RDX: variants seen among roughly 807,000 people sequenced by gnomAD.
RDX encodes radixin.
RDX carries 32 observed loss-of-function variants against 83.7 expected under a neutral mutation model. That is an observed-to-expected ratio of 0.38 (90% confidence interval 0.29 to 0.51). The LOEUF (loss-of-function observed/expected upper bound fraction) is 0.51, where lower values mean the gene tolerates loss of function less well. Among genes scored for constraint, RDX ranks in the 20% least tolerant of loss-of-function variants. The pLI is 0.87. For missense variants in RDX, 600 were observed against 689.9 expected (o/e 0.87, Z 1.46); for synonymous variants, 229 against 222.7 (o/e 1.03, Z -0.25).
At chr11:110,284,713 C>T (rs912254545) in intron 1 of RDX, among the ~76,000 whole-genome samples, 2 of 151,666 alleles carry the variant, frequency 1.3e-5, no homozygotes, top group Admixed American at 6.6e-5. Context: ...TTAGTAGAGA[C>T]GGGGTTTCAC....
intron 1 of RDX, among the ~76,000 whole-genome samples, chr11:110,291,728 A>G (rs1861252172): frequency 6.6e-6 from 1 of 152,198 alleles, no homozygotes; most frequent in Admixed American, 6.5e-5. Flanking sequence ...GGGCTGTCTT[A>G]GTATGAAGTT....
At chr11:110,261,863 TTG>T (rs1039227664) in intron 5 of RDX, among the ~76,000 whole-genome samples, 1 of 152,196 alleles carries the variant, frequency 6.6e-6, no homozygotes, top group Non-Finnish European at 1.5e-5. Flanking sequence ...TAAACTGTGC[TTG>T]TGTGTTATTG....
At position 110,237,589 on chromosome 11, in the gene RDX, T is replaced by G. The variant is rs146713867; in HGVS notation, c.1154A>C (p.Glu385Ala). The G allele has an allele frequency of 7.6e-5, 122 of 1,614,222 alleles. No homozygotes were observed. Among genetic ancestry groups the G allele is most frequent in the South Asian group, 3.7e-4 (34 of 91,086 alleles). Residue 385 changes from glutamate (E) to alanine (A), a missense_variant, in exon 11 of 14, where the codon GAA becomes GCA. Coordinates refer to ENST00000645495, the MANE Select transcript of RDX (RefSeq NM_002906.4). ...LDQERKRAKE[E>A]AERLEKERRA... ...ACGCTCCTTTTCAAGTCGTTCTGCT[T>G]CTTCTTTTGCTCGTTTTCGTTCTTG...
intron 1 of RDX, among the ~76,000 whole-genome samples, chr11:110,291,645 T>C (rs1258204885): frequency 6.6e-6 from 1 of 152,116 alleles, no homozygotes; most frequent in African/African-American, 2.4e-5. Flanking sequence ...ACCTCAGCAT[T>C]CTGAGTAGCT....
chr11:110,197,560 G>A (rs1032507628), intron 15 of RDX, among the ~76,000 whole-genome samples: 4 of 152,062 alleles, frequency 2.6e-5, no homozygotes, highest in Non-Finnish European at 4.4e-5. Context: ...TACTTCTGAC[G>A]ACAATAGCTC....
At chr11:110,243,798 T>C (rs960201134) in intron 10 of RDX, among the ~76,000 whole-genome samples, 5 of 151,418 alleles carry the variant, frequency 3.3e-5, no homozygotes, top group Admixed American at 1.3e-4. Context: ...ATTAGAGATA[T>C]GCAATAAAAA....
chr11:110,222,747 G>A (rs1268517805), intron 14 of RDX, among the ~76,000 whole-genome samples: 1 of 152,146 alleles, frequency 6.6e-6, no homozygotes, highest in African/African-American at 2.4e-5. Flanking sequence ...AGTGAGCCGA[G>A]ATCGCTCCAC....
In RDX at chr11:110,253,934, T is replaced by C; in HGVS notation, c.959+12A>G. 6.2e-7 allele frequency: 1 copy of C among 1,612,590 alleles called. No homozygotes were observed. Among genetic ancestry groups the C allele is most frequent in the South Asian group, 1.1e-5 (1 of 91,064 alleles). Reference sequence around the variant, plus strand: ...CCTATCAATTAAAAGTGAAAGGTCATAAACCCCATACCTTTCCAACTGCTT... The same window carrying C: ...CCTATCAATTAAAAGTGAAAGGTCACAAACCCCATACCTTTCCAACTGCTT... On this transcript the variant is annotated intron_variant, in intron 9 of 13. Transcript: ENST00000645495.
chr11:110,264,930 C>T lies in RDX; in HGVS notation c.97-56G>A, dbSNP rs183555424. On this transcript the variant is annotated intron_variant, in intron 3 of 13. Transcript: ENST00000645495. ...TTTCAGTCCAACATACACATTGTGT[C>T]TAGATGATACTACACTTCAAAAGGA... is the stretch of plus-strand genomic sequence containing the variant. 44 of 1,198,282 alleles carry T rather than the reference C, an allele frequency of 3.7e-5. No individual in the cohort carries two copies. In the Middle Eastern group the frequency reaches 1.1e-3, roughly 31 times the overall value. The allele number at this position is 1,198,282 out of a possible 1,614,324, so 74.2% of individuals were successfully genotyped here.
rs1416303234 is a variant in RDX, at chr11:110,210,130, G to C, written c.1749-10452C>G. Among the ~76,000 whole-genome samples the C allele has an allele frequency of 5.8e-4, 62 of 106,278 alleles. 1 individual carries two copies. The highest frequency in any genetic ancestry group is 1.0e-3 in the South Asian group (3 of 2,988). The allele number at this position is 106,278 out of a possible 152,430, so 69.7% of individuals were successfully genotyped here. A position where few individuals can be genotyped will look rare whatever the true frequency, so the allele number is the denominator to read the frequency against. On this transcript the variant is annotated intron_variant, in intron 14 of 15. Transcript: ENST00000528498. The stretch of plus-strand genomic sequence containing the variant: ...ATGTATAACTAGAATAACCAATACA[G>C]AGAAGTGCTTAAAGGAGCTGATGGA...
chr11:110,264,847 C>A lies in RDX; in HGVS notation c.124G>T (p.Val42Phe), dbSNP rs774408089. Residue 42 changes from valine to phenylalanine, a missense_variant, in exon 4 of 14, where the codon GTC becomes TTC. Transcript: ENST00000645495. ...QVVKTVGLREVWFFGLQYVDS... is the reference protein window; with the variant it reads ...QVVKTVGLREFWFFGLQYVDS... ...ACATACTGCAGCCCAAAAAACCAGA[C>A]CTCACGCAAACCAACTGTTTTCACC... is the stretch of plus-strand genomic sequence containing the variant. 1 of 1,613,754 alleles carries A rather than the reference C, an allele frequency of 6.2e-7. No individual in the cohort carries two copies. The highest frequency in any genetic ancestry group is 8.5e-7 in the Non-Finnish European group (1 of 1,179,952).
intron 13 of RDX, 136 bp from the exon 14 acceptor site, chr11:110,232,169 G>C: frequency 1.4e-6 from 1 of 728,904 alleles, no homozygotes; most frequent in South Asian, 1.7e-5. Flanking sequence ...GTATAAGTTT[G>C]TTTTAGTAAT....
intron 1 of RDX, among the ~76,000 whole-genome samples, chr11:110,285,871 T>C (rs11605530): frequency 0.025 from 3,815 of 152,064 alleles, 73 homozygotes; most frequent in Non-Finnish European, 0.041. Context: ...GTTCCATCTC[T>C]AACTTGAAAC....
intron 12 of RDX, among the ~76,000 whole-genome samples, chr11:110,234,437 TTC>T (rs1459170590): frequency 1.3e-5 from 2 of 152,204 alleles, no homozygotes; most frequent in East Asian, 3.8e-4. Context: ...TAGTCTAATA[TTC>T]TGAGATGAAA....
At chr11:110,273,408 T>C (rs375491820) in intron 2 of RDX, among the ~76,000 whole-genome samples, 1 of 152,324 alleles carries the variant, frequency 6.6e-6, no homozygotes, top group Middle Eastern at 3.4e-3. Flanking sequence ...TTCTATTTTT[T>C]GTTGTTTTTA....
chr11:110,245,991 G>C (rs948477403), intron 10 of RDX, among the ~76,000 whole-genome samples: 7 of 152,078 alleles, frequency 4.6e-5, no homozygotes, highest in Non-Finnish European at 2.9e-5. Context: ...TGTTGCTCAG[G>C]CTGGAGTGAT....
intron 14 of RDX, among the ~76,000 whole-genome samples, chr11:110,216,160 A>C (rs1371574418): frequency 6.6e-6 from 1 of 151,974 alleles, no homozygotes; most frequent in African/African-American, 2.4e-5. Flanking sequence ...CTGTTCCTCA[A>C]CTTCCTCTCA....
chr11:110,255,895 G>A (rs1271984495), intron 7 of RDX, among the ~76,000 whole-genome samples: 2 of 152,050 alleles, frequency 1.3e-5, no homozygotes, highest in African/African-American at 4.8e-5. Context: ...TTAATTTTCA[G>A]TATATTTTGA....
At chr11:110,237,883 C>T (rs940415328) in intron 10 of RDX, 12 of 567,870 alleles carry the variant, frequency 2.1e-5, no homozygotes, top group South Asian at 6.5e-5. Flanking sequence ...GCAATCCTCC[C>T]GCCTCAGCCT....
Sources: gnomAD v4.1 joint callset for allele counts (sites outside exome capture counted in the v4.1 genomes callset) on GRCh38, gnomAD v4.1.1 for gene constraint, MANE v1.5 for transcripts, NCBI Gene and HGNC (gene_info 2026-07-23, HGNC 2026-07-21) for gene names.